Variants in PHKB observed in about 807,000 individuals in gnomAD.
PHKB encodes the protein phosphorylase kinase regulatory subunit beta.
Under a neutral mutation model 152.1 loss-of-function variants are expected in PHKB, and 122 were observed. The observed-to-expected ratio is 0.80, with a 90% CI of 0.69 to 0.93. PHKB has a LOEUF of 0.93. PHKB is among the 40% of genes least tolerant of loss of function. The pLI, the probability that PHKB is intolerant of heterozygous loss-of-function variation, is 0.00. For synonymous variants in PHKB, 436 were observed against 464.9 expected (o/e 0.94, Z 0.80); for missense variants, 1,304 against 1,328.4 (o/e 0.98, Z 0.29).
intron 26 of PHKB, among the ~76,000 whole-genome samples, chr16:47,684,256 T>A (rs12932602): frequency 6.6e-6 from 1 of 150,662 alleles, no homozygotes; most frequent in South Asian, 2.1e-4. Context: ...TTGCTTGAGG[T>A]GGACATTGCA....
At chr16:47,553,101 TCTC>T (rs1971303033) in intron 7 of PHKB, among the ~76,000 whole-genome samples, 1 of 152,132 alleles carries the variant, frequency 6.6e-6, no homozygotes, top group African/African-American at 2.4e-5. Context: ...TTGGGGAAGT[TCTC>T]CTGGATAATA....
At chr16:47,612,858 G>A (rs1417350667) in intron 14 of PHKB, among the ~76,000 whole-genome samples, 1 of 152,188 alleles carries the variant, frequency 6.6e-6, no homozygotes, top group East Asian at 1.9e-4. Context: ...GCATGCCCAT[G>A]TCTGTTCCCG....
chr16:47,500,128 C>T (rs1365100228), intron 3 of PHKB, among the ~76,000 whole-genome samples: 2 of 152,082 alleles, frequency 1.3e-5, no homozygotes, highest in Non-Finnish European at 2.9e-5. Flanking sequence ...ACCTCTGCCC[C>T]CTGGGTTCAA....
chr16:47,497,366 C>T (rs777280385), intron 1 of PHKB, 33 bp from the exon 2 acceptor site: 4 of 1,310,176 alleles, frequency 3.1e-6, no homozygotes, highest in Non-Finnish European at 4.4e-6. Context: ...GTGAAAATGA[C>T]TGAATTTGAT....
chr16:47,565,646 A>C lies in PHKB; in HGVS notation c.711-14649A>C. The C allele has an allele frequency of 5.2e-6, 6 of 1,162,734 alleles. No homozygotes were observed. The South Asian group carries it at 7.4e-5, about 14-fold the overall frequency. The allele number at this position is 1,162,734 out of a possible 1,614,324, so 72.0% of individuals were successfully genotyped here. Reference sequence around the variant, plus strand: ...CAGAGGTCCCGGTCTGTGATGACTCACTTCCTGTCCTCGACCATCCCTGTT... The same window carrying C: ...CAGAGGTCCCGGTCTGTGATGACTCCCTTCCTGTCCTCGACCATCCCTGTT... On this transcript the variant is annotated intron_variant, in intron 7 of 30. Transcript: ENST00000323584.
At chr16:47,495,991 T>G (rs571713187) in intron 1 of PHKB, among the ~76,000 whole-genome samples, 1 of 152,304 alleles carries the variant, frequency 6.6e-6, no homozygotes, top group South Asian at 2.1e-4. Context: ...TTCTTTACGT[T>G]CTTCTTATTG....
At chr16:47,651,047 A>C in intron 20 of PHKB, 126 bp downstream of exon 20, 1 of 736,280 alleles carries the variant, frequency 1.4e-6, no homozygotes, top group Non-Finnish European at 2.4e-6. Flanking sequence ...CTATCTTCCT[A>C]TTCCTATTGT....
chr16:47,550,019 G>A lies in PHKB; in HGVS notation c.710+2471G>A, dbSNP rs537490171. On this transcript the variant is annotated intron_variant, in intron 7 of 30. Coordinates refer to ENST00000323584, the MANE Select transcript of PHKB (RefSeq NM_000293.3). ...GGATGATGGGTTTTATACTTTATTT[G>A]ACATTGATGTTCTACTTGTCCATGG... Among the ~76,000 whole-genome samples the A allele has an allele frequency of 2.6e-5, 4 of 152,184 alleles. No homozygotes were observed. In the East Asian group the frequency reaches 7.7e-4, roughly 29 times the overall value.
intron 1 of PHKB, among the ~76,000 whole-genome samples, chr16:47,478,562 C>G (rs1485329227): frequency 6.8e-6 from 1 of 146,708 alleles, no homozygotes; most frequent in Admixed American, 6.9e-5. Context: ...ACCAGTGTGA[C>G]CTTGGTTAAG....
At chr16:47,523,611 C>A (rs1205982015) in intron 6 of PHKB, among the ~76,000 whole-genome samples, 1 of 152,222 alleles carries the variant, frequency 6.6e-6, no homozygotes, top group Non-Finnish European at 1.5e-5. Context: ...CAGGTCTTTA[C>A]TTACTATAGG....
intron 7 of PHKB, chr16:47,562,117 G>A (rs1366763508): frequency 6.6e-6 from 1 of 152,342 alleles, no homozygotes; most frequent in Non-Finnish European, 1.5e-5. Context: ...TGGAAGGAGA[G>A]ATGGAGTTCA....
rs111545596 is a variant in PHKB, at chr16:47,611,330, C to T, written c.1458+410C>T. Among the ~76,000 whole-genome samples the T allele has an allele frequency of 7.5e-3, 1,144 of 152,142 alleles. 19 individuals carry two copies. The highest frequency in any genetic ancestry group is 0.026 in the African/African-American group (1,080 of 41,474). ...TGTTACAGCAACAGTGACTTGGTGACGTGTTGGGCAAGGAATAGTTTTAAA... is the reference window on the plus strand; with the variant it reads ...TGTTACAGCAACAGTGACTTGGTGATGTGTTGGGCAAGGAATAGTTTTAAA... On this transcript the variant is annotated intron_variant, in intron 14 of 30. Transcript: ENST00000323584.
intron 1 of PHKB, 130 bp downstream of exon 1, chr16:47,461,556 G>T (rs1969557057): frequency 1.1e-6 from 1 of 934,468 alleles, no homozygotes; most frequent in Admixed American, 2.0e-5. Context: ...TAGAAAGCAG[G>T]TGGCGGCCCT....
chr16:47,566,499 G>A, intron 7 of PHKB: 2 of 1,606,984 alleles, frequency 1.2e-6, no homozygotes, highest in Non-Finnish European at 8.5e-7. Flanking sequence ...CAACTTCTCT[G>A]GATTGCTGGG....
chr16:47,586,298 C>A (rs978098329), intron 8 of PHKB, among the ~76,000 whole-genome samples: 1 of 152,202 alleles, frequency 6.6e-6, no homozygotes, highest in African/African-American at 2.4e-5. Context: ...TTCCTGAAAG[C>A]AGAGTGCACA....
chr16:47,516,742 A>G (rs900978162), intron 6 of PHKB, among the ~76,000 whole-genome samples: 1 of 152,216 alleles, frequency 6.6e-6, no homozygotes, highest in Non-Finnish European at 1.5e-5. Flanking sequence ...AGTCTCATAC[A>G]ATAAATAAAT....
At chr16:47,636,421 C>A (rs1233278107) in intron 14 of PHKB, among the ~76,000 whole-genome samples, 4 of 152,146 alleles carry the variant, frequency 2.6e-5, no homozygotes, top group African/African-American at 9.7e-5. Flanking sequence ...GGGGCAGGGG[C>A]CCCATGCTCT....
In PHKB at chr16:47,546,148, A is replaced by C. The variant is rs79987506; in HGVS notation, c.595-1285A>C. On this transcript the variant is annotated intron_variant, in intron 6 of 30. Coordinates refer to ENST00000323584, the MANE Select transcript of PHKB (RefSeq NM_000293.3). Reference sequence around the variant, plus strand: ...TTTTTTCCGTTGCTGGTGAGGAGCTACGGTTCTTTGGAGAAGGGTCACTCC... The same window carrying C: ...TTTTTTCCGTTGCTGGTGAGGAGCTCCGGTTCTTTGGAGAAGGGTCACTCC... Among the ~76,000 whole-genome samples the C allele has an allele frequency of 3.3e-3, 504 of 152,240 alleles. 3 individuals are homozygous for C. The highest frequency in any genetic ancestry group is 0.012 in the African/African-American group (481 of 41,564).
chr16:47,699,404 CTGAAG>C lies in PHKB; in HGVS notation c.*41_*45del. 1 of 1,608,458 alleles carries C rather than the reference CTGAAG, an allele frequency of 6.2e-7. No individual in the cohort carries two copies. Among genetic ancestry groups the C allele is most frequent in the Non-Finnish European group, 8.5e-7 (1 of 1,174,820 alleles). The stretch of plus-strand genomic sequence containing the variant: ...AGGAAGCTCTGTTGAGACACATGTT[CTGAAG>C]TGTGTTGTGTTTCATGTTCAAGCTT... On this transcript the variant is annotated 3_prime_UTR_variant, in exon 31 of 31. Transcript: ENST00000323584.
Sources: allele counts gnomAD v4.1 joint callset (sites outside exome capture counted in the v4.1 genomes callset), GRCh38; gene constraint gnomAD v4.1.1; transcripts MANE v1.5; gene names NCBI Gene and HGNC (gene_info 2026-07-23, HGNC 2026-07-21).